PCDH15: variants seen among roughly 807,000 people sequenced by gnomAD.
The protein encoded by PCDH15 is protocadherin related 15.
PCDH15 carries 129 observed loss-of-function variants against 178.5 expected under a neutral mutation model. The observed-to-expected ratio is 0.72, with a 90% CI of 0.63 to 0.84. The LOEUF (loss-of-function observed/expected upper bound fraction) is 0.84, where lower values mean the gene tolerates loss of function less well. PCDH15 is among the 40% of genes least tolerant of loss of function. PCDH15 has a pLI of 0.00. For synonymous variants in PCDH15, 800 were observed against 732.0 expected (o/e 1.09, Z -1.50); for missense variants, 2,230 against 2,099.9 (o/e 1.06, Z -1.21).
At chr10:54,756,735 AG>A (rs1947182184) in intron 1 of PCDH15, among the ~76,000 whole-genome samples, 1 of 151,934 alleles carries the variant, frequency 6.6e-6, no homozygotes, top group Non-Finnish European at 1.5e-5. Flanking sequence ...AGAGAGAGAG[AG>A]AGAGAGAAAC....
At chr10:55,104,798 A>G (rs573129275) in intron 2 of PCDH15, among the ~76,000 whole-genome samples, 2 of 152,258 alleles carry the variant, frequency 1.3e-5, no homozygotes, top group African/African-American at 4.8e-5. Flanking sequence ...AGCACTTTGT[A>G]TGGGTCCCAT....
chr10:55,138,033 TGCAGG>T (rs1377834348), intron 2 of PCDH15, among the ~76,000 whole-genome samples: 8 of 152,170 alleles, frequency 5.3e-5, no homozygotes, highest in African/African-American at 1.9e-4. Context: ...CTTTTCTAGA[TGCAGG>T]TAAGTTTTGC....
chr10:54,251,851 T>C (rs1205276963), intron 8 of PCDH15, among the ~76,000 whole-genome samples: 1 of 145,582 alleles, frequency 6.9e-6, no homozygotes, highest in East Asian at 1.9e-4. Context: ...AATATCTTTA[T>C]TTAACTTTCA....
chr10:54,751,297 C>T (rs2132975687), intron 1 of PCDH15, among the ~76,000 whole-genome samples: 1 of 152,180 alleles, frequency 6.6e-6, no homozygotes, highest in East Asian at 1.9e-4. Flanking sequence ...ACGTATTTCA[C>T]CACTTGGTAG....
At chr10:54,179,872 A>G (rs1420959991) in intron 13 of PCDH15, among the ~76,000 whole-genome samples, 1 of 152,222 alleles carries the variant, frequency 6.6e-6, no homozygotes, top group African/African-American at 2.4e-5. Context: ...TTTATGGAGC[A>G]TTAATTGGAT....
intron 2 of PCDH15, among the ~76,000 whole-genome samples, chr10:55,056,114 G>A (rs185262494): frequency 1.2e-4 from 19 of 152,116 alleles, no homozygotes; most frequent in Admixed American, 7.9e-4. Context: ...TTCCGCATAC[G>A]GGTCAAAGCA....
At chr10:54,059,846 T>C (rs2093977811) in intron 18 of PCDH15, among the ~76,000 whole-genome samples, 1 of 152,222 alleles carries the variant, frequency 6.6e-6, no homozygotes, top group East Asian at 1.9e-4. Context: ...GTAATTCAAA[T>C]ATGTACAATG....
intron 2 of PCDH15, among the ~76,000 whole-genome samples, chr10:55,563,790 A>C (rs2132101947): frequency 6.6e-6 from 1 of 152,054 alleles, no homozygotes; most frequent in South Asian, 2.1e-4. Flanking sequence ...AGAAAGGCTA[A>C]AAATGAACAA....
Position 54,346,409 on chromosome 10 carries a change from T to G in PCDH15, c.550A>C (p.Asn184His), listed in dbSNP as rs1170688617. 2 of 1,613,630 alleles carry G rather than the reference T, an allele frequency of 1.2e-6. No homozygotes were observed. The highest frequency in any genetic ancestry group is 1.7e-6 in the Non-Finnish European group (2 of 1,179,596). Residue 184 changes from asparagine to histidine, a missense_variant, in exon 6 of 38, where the codon AAT becomes CAT. Asn to His is a moderately conservative substitution (Grantham distance 68, BLOSUM62 1). Coordinates refer to ENST00000644397, the MANE Select transcript of PCDH15 (RefSeq NM_001384140.1). ...NGATDIDDGP[N>H]GQIEYVIQYN... is the part of the protein sequence containing the mutation. ...TGAATAACATACTCTATCTGTCCAT[T>G]TGGTCCATCATCTATATCTGTAGCT...
At chr10:54,516,643 A>G (rs1046290318) in intron 3 of PCDH15, among the ~76,000 whole-genome samples, 21 of 152,256 alleles carry the variant, frequency 1.4e-4, no homozygotes, top group Admixed American at 1.2e-3. Flanking sequence ...TCTGCAGGAT[A>G]TTATCCAGGA....
chr10:55,479,619 C>T (rs1287875045), intron 2 of PCDH15, among the ~76,000 whole-genome samples: 1 of 151,586 alleles, frequency 6.6e-6, no homozygotes, highest in Non-Finnish European at 1.5e-5. Flanking sequence ...CCAATGATGA[C>T]TATTTTCACC....
chr10:54,774,154 G>A (rs570994882), intron 1 of PCDH15, among the ~76,000 whole-genome samples: 3 of 150,954 alleles, frequency 2.0e-5, no homozygotes, highest in African/African-American at 4.9e-5. Context: ...TCAACCTCCC[G>A]AGTAGCTAGG....
intron 3 of PCDH15, among the ~76,000 whole-genome samples, chr10:54,506,560 T>C (rs2081186533): frequency 6.6e-6 from 1 of 152,046 alleles, no homozygotes; most frequent in Admixed American, 6.6e-5. Context: ...AAATTGCCAT[T>C]GTTCTGCCCT....
At chr10:54,393,396 C>T (rs1460130262) in intron 3 of PCDH15, among the ~76,000 whole-genome samples, 1 of 152,112 alleles carries the variant, frequency 6.6e-6, no homozygotes, top group African/African-American at 2.4e-5. Flanking sequence ...ACATTTTTAG[C>T]ACTTACCATA....
intron 1 of PCDH15, among the ~76,000 whole-genome samples, chr10:54,742,290 TCTCA>T (rs1460201095): frequency 2.0e-5 from 3 of 151,198 alleles, no homozygotes; most frequent in Non-Finnish European, 4.4e-5. Context: ...AAATATTTAG[TCTCA>T]CTTATTCCTA....
At chr10:54,422,351 T>C (rs939064636) in intron 3 of PCDH15, among the ~76,000 whole-genome samples, 1 of 152,098 alleles carries the variant, frequency 6.6e-6, no homozygotes, top group South Asian at 2.1e-4. Flanking sequence ...TATTTTGTAG[T>C]ATAGTGAGGA....
At chr10:54,407,354 A>G (rs1952818613) in intron 3 of PCDH15, among the ~76,000 whole-genome samples, 1 of 152,076 alleles carries the variant, frequency 6.6e-6, no homozygotes. Context: ...ATTTCAATGT[A>G]GGTAAATCTA....
intron 21 of PCDH15, among the ~76,000 whole-genome samples, chr10:53,976,197 A>G (rs1375143919): frequency 1.3e-5 from 2 of 152,072 alleles, no homozygotes; most frequent in African/African-American, 2.4e-5. Flanking sequence ...AGTTTGATGT[A>G]GGGTAGTGTG....
At chr10:54,099,531 T>TATAA (rs998333562) in intron 15 of PCDH15, among the ~76,000 whole-genome samples, 1 of 129,668 alleles carries the variant, frequency 7.7e-6, no homozygotes, top group Non-Finnish European at 1.6e-5. Context: ...TATATATATA[T>TATAA]AAAACAAAAA....
Sources: gnomAD v4.1 joint callset for allele counts (sites outside exome capture counted in the v4.1 genomes callset) on GRCh38, gnomAD v4.1.1 for gene constraint, MANE v1.5 for transcripts, NCBI Gene and HGNC (gene_info 2026-07-23, HGNC 2026-07-21) for gene names.